Variants in COL6A1 observed in about 807,000 individuals in gnomAD.
The protein encoded by COL6A1 is collagen type VI alpha 1 chain.
In COL6A1, 80 loss-of-function variants were observed where a neutral mutation model predicts 145.6. The observed-to-expected ratio is 0.55, with a 90% CI of 0.46 to 0.66. COL6A1 has a LOEUF of 0.66. COL6A1 is among the 30% of genes least tolerant of loss of function. The pLI, the probability that COL6A1 is intolerant of heterozygous loss-of-function variation, is 0.00. For missense variants in COL6A1, 1,364 were observed against 1,473.8 expected, an observed-to-expected ratio of 0.93 and a Z score of 1.22; for synonymous variants, 638 against 622.8, an observed-to-expected ratio of 1.02 and a Z score of -0.36.
Position 46,002,712 on chromosome 21 carries a change from T to C in COL6A1, c.2434+2T>C, listed in dbSNP as rs758770966. The C allele has an allele frequency of 6.2e-7, 1 of 1,611,538 alleles. No individual in the cohort carries two copies. The highest frequency in any genetic ancestry group is 1.3e-5 in the African/African-American group (1 of 74,976). ...ATGTCACCGCCCAGATCTGCATAGG[T>C]GCGCATGGGGCCACCCGGGCAGTCC... On this transcript the variant is annotated splice_donor_variant, in intron 33 of 34. Coordinates refer to ENST00000361866, the MANE Select transcript of COL6A1 (RefSeq NM_001848.3). LOFTEE classifies it high-confidence loss of function.
At chr21:45,989,914 C>A in intron 11 of COL6A1, 136 bp downstream of exon 11, 1 of 1,187,566 alleles carries the variant, frequency 8.4e-7, no homozygotes, top group Non-Finnish European at 1.2e-6. Flanking sequence ...CCGCCCCTCG[C>A]CGTCCCCTCC....
chr21:45,982,288 C>CA (rs1569517586), intron 1 of COL6A1, among the ~76,000 whole-genome samples: 5 of 130,670 alleles, frequency 3.8e-5, no homozygotes, highest in African/African-American at 1.2e-4. Flanking sequence ...ACGGCCCCCC[C>CA]GACCCCCGTT....
At chr21:45,985,618 C>T (rs1188061601) in intron 3 of COL6A1, among the ~76,000 whole-genome samples, 1 of 152,230 alleles carries the variant, frequency 6.6e-6, no homozygotes, top group Non-Finnish European at 1.5e-5. Flanking sequence ...CCGCAAGCCC[C>T]GGAGTGTCCA....
rs745743900 is a variant in COL6A1 at position 46,004,194 on chromosome 21, C to T, written c.*181C>T. The T allele has an allele frequency of 1.8e-5, 15 of 843,850 alleles. No homozygotes were observed. The highest frequency in any genetic ancestry group is 2.6e-5 in the Admixed American group (1 of 38,856). The allele number at this position is 843,850 out of a possible 1,614,324, so 52.3% of individuals were successfully genotyped here. A position where few individuals can be genotyped will look rare whatever the true frequency, so the allele number is the denominator to read the frequency against. On this transcript the variant is annotated 3_prime_UTR_variant, in exon 35 of 35. Coordinates refer to ENST00000361866, the MANE Select transcript of COL6A1 (RefSeq NM_001848.3). ...GCTTTGTGCAGGGTCCTCCGGGGCT[C>T]AGCCCTGAGTTGGCATCACCTGCGC...
Position 45,994,209 on chromosome 21 carries a change from G to T in COL6A1, c.1378G>T (p.Val460Phe), listed in dbSNP as rs375452881. The T allele has an allele frequency of 5.0e-6, 8 of 1,609,644 alleles. No individual in the cohort carries two copies. Among genetic ancestry groups the T allele is most frequent in the Non-Finnish European group, 6.8e-6 (8 of 1,178,506 alleles). The change falls in exon 20 of 35, where the codon GTT (valine) becomes TTT (phenylalanine). Residue 460 changes from valine (V) to phenylalanine (F), a missense_variant. Transcript: ENST00000361866. This position sits in a 1 kb window ranked among gnomAD's most constrained non-coding sequence, Gnocchi z 6.8. Reference protein sequence around the residue: ...PQGDQGREGPVGVPGDPGEAG... With the variant: ...PQGDQGREGPFGVPGDPGEAG... ...GGGTGATCAGGGAAGAGAAGGCCCC[G>T]TTGGTGTCCCTGGAGACCCGGTAGG...
At chr21:46,003,055 A>G in intron 33 of COL6A1, 65 bp from the exon 34 acceptor site, 1 of 1,611,878 alleles carries the variant, frequency 6.2e-7, no homozygotes, top group South Asian at 1.1e-5. Flanking sequence ...AGGTCCTGTG[A>G]CATCTCCTTG....
Position 46,001,380 on chromosome 21 carries a change from G to C in COL6A1, c.1950G>C (p.Leu650=). The C allele has an allele frequency of 6.2e-7, 1 of 1,611,288 alleles. No homozygotes were observed. Reference sequence around the variant, plus strand: ...TCGACCGGCTGAGCCGGGACGAGCTGGTCAAGGTGAGGCCTCGCCCCGCCC... The same window carrying C: ...TCGACCGGCTGAGCCGGGACGAGCTCGTCAAGGTGAGGCCTCGCCCCGCCC... ...KVIDRLSRDE[L]VKFEPGQSYA... The change falls in exon 30 of 35, where the codon CTG becomes CTC. Residue 650 remains leucine (L), a synonymous_variant. Transcript: ENST00000361866.
At chr21:45,991,956 G>GCACCCCTGGTGCA in intron 15 of COL6A1, 54 bp from the exon 16 acceptor site, 1 of 1,532,666 alleles carries the variant, frequency 6.5e-7, no homozygotes. Flanking sequence ...TCTGATGGCT[G>GCACCCCTGGTGCA]CACCCCTGGT....
At chr21:45,990,618 G>A (rs1484435435) in intron 13 of COL6A1, among the ~76,000 whole-genome samples, 155 bp from the exon 14 acceptor site, 8 of 151,894 alleles carry the variant, frequency 5.3e-5, no homozygotes, top group African/African-American at 1.9e-4. Flanking sequence ...GGAGGAGTGG[G>A]GTGGACGGTG....
intron 8 of COL6A1, 77 bp from the exon 9 acceptor site, chr21:45,989,007 T>C: frequency 6.4e-7 from 1 of 1,565,336 alleles, no homozygotes; most frequent in South Asian, 1.1e-5. Flanking sequence ...GAAGCGTCTT[T>C]TTAAAAACCT....
In COL6A1 at chr21:45,999,729, A is replaced by G. The variant is rs200822774; in HGVS notation, c.1776+37A>G. On this transcript the variant is annotated intron_variant, in intron 27 of 34. Coordinates refer to ENST00000361866, the MANE Select transcript of COL6A1 (RefSeq NM_001848.3). ...TCTGTGAACATTGCTGGGGGCGACC[A>G]CTGTAGCTTCCATCCCTTGGGGTGT... 2,847 of 1,582,514 alleles carry G rather than the reference A, an allele frequency of 1.8e-3. 13 individuals carry two copies. The highest frequency in any genetic ancestry group is 1.9e-3 in the Non-Finnish European group (2,241 of 1,164,454).
intron 30 of COL6A1, 94 bp downstream of exon 30, chr21:46,001,480 C>T (rs1258072493): frequency 6.6e-7 from 1 of 1,506,678 alleles, no homozygotes. Context: ...CTCCCGAGGC[C>T]ACCGCTGCAT....
At chr21:45,999,615 G>A (rs1245184381) in intron 26 of COL6A1, 42 bp from the exon 27 acceptor site, 2 of 1,609,392 alleles carry the variant, frequency 1.2e-6, no homozygotes, top group African/African-American at 2.7e-5. Flanking sequence ...AGCACAGTGG[G>A]CTCCTCACCC....
rs753485651 is a variant in COL6A1, at chr21:46,003,853, G to T, written c.2927G>T (p.Arg976Leu). Residue 976 changes from arginine to leucine, a missense_variant, in exon 35 of 35, where the codon CGC becomes CTC. This residue lies in a region of COL6A1 where 938 missense variants were observed against 1,003.8 expected (regional missense o/e 0.93). Transcript: ENST00000361866. ...GAGATCTTCGTGGTGGTCGTGGGCC[G>T]CCAGGTGAATGAGCCCCACATCCGC... ...GIEIFVVVVG[R>L]QVNEPHIRVL... 45 of 1,600,544 alleles carry T rather than the reference G, an allele frequency of 2.8e-5. No individual in the cohort carries two copies. The South Asian group carries it at 4.4e-4, about 16-fold the overall frequency.
intron 30 of COL6A1, 125 bp downstream of exon 30, chr21:46,001,511 T>C: frequency 7.6e-7 from 1 of 1,319,418 alleles, no homozygotes; most frequent in Non-Finnish European, 1.1e-6. Flanking sequence ...TCCCTACTCA[T>C]GACAAGGATG....
intron 29 of COL6A1, 83 bp from the exon 30 acceptor site, chr21:46,001,170 A>AGGAGGGGCCAGGGCGGTGGAGG (rs984648393): frequency 7.1e-6 from 11 of 1,555,188 alleles, no homozygotes; most frequent in Admixed American, 6.8e-5. Context: ...GTGGCAGCCA[A>AGGAGGGGCCAGGGCGGTGGAGG]GGAGGGGCCA....
At chr21:45,991,456 T>G (rs1603591457) in intron 15 of COL6A1, among the ~76,000 whole-genome samples, 5 of 125,002 alleles carry the variant, frequency 4.0e-5, no homozygotes, top group Non-Finnish European at 5.3e-5. Flanking sequence ...GGGAGGAGGG[T>G]GGTGAGCGGG....
At chr21:45,989,404 G>A (rs950473467) in intron 9 of COL6A1, among the ~76,000 whole-genome samples, 11 of 152,128 alleles carry the variant, frequency 7.2e-5, no homozygotes, top group Non-Finnish European at 4.4e-5. Context: ...GGCCCCTGCC[G>A]TGGCTCCTTG....
rs375513956 is a variant in COL6A1 at position 45,990,862 on chromosome 21, G to A, written c.1056+36G>A. 8.1e-6 allele frequency: 13 copies of A among 1,612,182 alleles called. No homozygotes were observed. The African/African-American group carries it at 1.5e-4, about 18-fold the overall frequency. On this transcript the variant is annotated intron_variant, in intron 14 of 34. Coordinates refer to ENST00000361866, the MANE Select transcript of COL6A1 (RefSeq NM_001848.3). ...TCCTCTCACTGATACTTTAAAACTA[G>A]CGCTGTCAGCAGCACCTCGTGTGGA... is the stretch of plus-strand genomic sequence containing the variant.
Sources: gnomAD v4.1 joint callset for allele counts (sites outside exome capture counted in the v4.1 genomes callset) on GRCh38, gnomAD v4.1.1 for gene constraint, gnomAD v4.1.1 regional missense constraint, Gnocchi (gnomAD v3.1) non-coding constraint, MANE v1.5 for transcripts, NCBI Gene and HGNC (gene_info 2026-07-23, HGNC 2026-07-21) for gene names.